The following SEMA6D variants were observed in gnomAD, a reference collection of about 807,000 sequenced individuals.
The protein encoded by SEMA6D is semaphorin 6D.
Under a neutral mutation model 106.6 loss-of-function variants are expected in SEMA6D, and 35 were observed. The observed-to-expected ratio is 0.33, with a 90% CI of 0.25 to 0.44. The LOEUF is 0.44. SEMA6D is among the 20% of genes least tolerant of loss of function. SEMA6D has a pLI of 1.00. For synonymous variants in SEMA6D, 499 were observed against 487.7 expected (o/e 1.02, Z -0.31); for missense variants, 1,185 against 1,345.9 (o/e 0.88, Z 1.87).
At chr15:47,663,001 G>C (rs2077957503) in intron 4 of SEMA6D, among the ~76,000 whole-genome samples, 1 of 152,184 alleles carries the variant, frequency 6.6e-6, no homozygotes, top group Admixed American at 6.5e-5. Context: ...ATGTTGGCAA[G>C]AAGTAGGCTG....
chr15:47,258,713 A>G (rs1015225894), intron 1 of SEMA6D, among the ~76,000 whole-genome samples: 3 of 152,090 alleles, frequency 2.0e-5, no homozygotes, highest in Non-Finnish European at 2.9e-5. Context: ...GCTTGCAGAC[A>G]ACAGATGGTG....
In SEMA6D at chr15:47,566,796, C is replaced by G. The variant is rs182895807; in HGVS notation, c.-86-34069C>G. On this transcript the variant is annotated intron_variant, in intron 3 of 19. Coordinates refer to the SEMA6D transcript ENST00000558014. Reference sequence around the variant, plus strand: ...AGCTAACGGATGGAAAGTGTTGCTTCCAGTGTCTGTCACGTGATAGTGTTT... The same window carrying G: ...AGCTAACGGATGGAAAGTGTTGCTTGCAGTGTCTGTCACGTGATAGTGTTT... Among the ~76,000 whole-genome samples the G allele has an allele frequency of 1.3e-4, 20 of 152,328 alleles. No individual in the cohort carries two copies. In the East Asian group the frequency reaches 3.7e-3, roughly 28 times the overall value.
intron 4 of SEMA6D, among the ~76,000 whole-genome samples, chr15:47,615,646 G>C (rs2076993966): frequency 6.6e-6 from 1 of 152,166 alleles, no homozygotes; most frequent in Admixed American, 6.5e-5. Context: ...GAATTCTAAT[G>C]TATTTGAATA....
intron 4 of SEMA6D, among the ~76,000 whole-genome samples, chr15:47,620,614 T>G (rs2077080514): frequency 6.6e-6 from 1 of 152,036 alleles, no homozygotes; most frequent in South Asian, 2.1e-4. Context: ...ATCCTGTCAG[T>G]GTGTCATGAT....
At chr15:47,332,027 T>G (rs1230545455) in intron 1 of SEMA6D, among the ~76,000 whole-genome samples, 2 of 152,166 alleles carry the variant, frequency 1.3e-5, no homozygotes, top group African/African-American at 4.8e-5. Context: ...CACCTCTCTT[T>G]GTCTCTTTAT....
intron 3 of SEMA6D, among the ~76,000 whole-genome samples, chr15:47,588,535 C>G (rs1293803961): frequency 1.3e-5 from 2 of 152,160 alleles, no homozygotes; most frequent in Non-Finnish European, 2.9e-5. Context: ...TTTGAGTTAG[C>G]ATAAGAACTG....
At chr15:47,264,315 T>TTCA (rs1297318455) in intron 1 of SEMA6D, among the ~76,000 whole-genome samples, 17 of 149,996 alleles carry the variant, frequency 1.1e-4, no homozygotes, top group African/African-American at 4.1e-4. Flanking sequence ...GTAATAAACC[T>TTCA]GGTCATTTAC....
chr15:47,688,012 C>G (rs149918681), intron 4 of SEMA6D, among the ~76,000 whole-genome samples: 198 of 152,176 alleles, frequency 1.3e-3, no homozygotes, highest in African/African-American at 4.6e-3. Context: ...ACATAAGAAC[C>G]TGGAGCTCAC....
rs368045996 is a variant in SEMA6D, at chr15:47,697,106, ACTTC to A, written c.-54-62634_-54-62631del. 3.4e-3 allele frequency among the ~76,000 whole-genome samples: 517 copies of A among 152,266 alleles called. 1 individual carries two copies. Among genetic ancestry groups the A allele is most frequent in the African/African-American group, 0.012 (499 of 41,532 alleles). On this transcript the variant is annotated intron_variant, in intron 4 of 19. Coordinates refer to the SEMA6D transcript ENST00000558014. ...AAAAATGTATTTACTGCTCTTCTCA[ACTTC>A]CTTCTTGGCACCAGATTTTAAAGAA...
intron 1 of SEMA6D, among the ~76,000 whole-genome samples, chr15:47,217,531 G>C (rs1234423150): frequency 6.7e-6 from 1 of 150,218 alleles, no homozygotes; most frequent in Admixed American, 6.9e-5. Flanking sequence ...AGAGTTCTAA[G>C]ATGTATTAAG....
At chr15:47,731,056 GAAAA>G (rs2080089145) in intron 1 of SEMA6D, 1 of 564,672 alleles carries the variant, frequency 1.8e-6, no homozygotes, top group African/African-American at 1.9e-5. Context: ...AGCTACCTGT[GAAAA>G]GAGACAGACA....
At chr15:47,242,734 A>G (rs2032986454) in intron 1 of SEMA6D, among the ~76,000 whole-genome samples, 1 of 152,170 alleles carries the variant, frequency 6.6e-6, no homozygotes, top group Non-Finnish European at 1.5e-5. Flanking sequence ...AAATAATATT[A>G]TTTCCGATTA....
chr15:47,484,804 CA>C (rs2043251174), intron 3 of SEMA6D, among the ~76,000 whole-genome samples: 1 of 152,082 alleles, frequency 6.6e-6, no homozygotes, highest in African/African-American at 2.4e-5. Context: ...AATAAAAATA[CA>C]GCCTAAATTT....
At chr15:47,253,335 T>G (rs2033623968) in intron 1 of SEMA6D, among the ~76,000 whole-genome samples, 1 of 152,186 alleles carries the variant, frequency 6.6e-6, no homozygotes, top group South Asian at 2.1e-4. Context: ...ATTGTTTCCT[T>G]TGCTATGCAG....
rs539831189 is a variant in SEMA6D at position 47,545,913 on chromosome 15, A to G, written c.-86-54952A>G. On this transcript the variant is annotated intron_variant, in intron 3 of 19. Transcript: ENST00000558014. Reference sequence around the variant, plus strand: ...CCCCAGTGTGGCAACAGTCTAGGCTACATGAAAGGCCCTCTCTAGACAGGA... The same window carrying G: ...CCCCAGTGTGGCAACAGTCTAGGCTGCATGAAAGGCCCTCTCTAGACAGGA... Among the ~76,000 whole-genome samples, 11 of 152,220 alleles carry G rather than the reference A, an allele frequency of 7.2e-5. No homozygotes were observed. In the East Asian group the frequency reaches 2.1e-3, roughly 29 times the overall value.
intron 15 of SEMA6D, 27 bp downstream of exon 15, chr15:47,766,209 G>A (rs757649825): frequency 6.9e-6 from 11 of 1,585,320 alleles, no homozygotes; most frequent in Middle Eastern, 1.7e-4. Flanking sequence ...ACATGAGCTA[G>A]GATGAACTAT....
At chr15:47,193,262 G>C (rs752282683) in intron 1 of SEMA6D, among the ~76,000 whole-genome samples, 10 of 152,086 alleles carry the variant, frequency 6.6e-5, no homozygotes, top group Admixed American at 4.6e-4. Flanking sequence ...GTTGTTATGA[G>C]GATCAAATGA....
intron 1 of SEMA6D, among the ~76,000 whole-genome samples, chr15:47,235,398 CTT>C (rs1231263762): frequency 2.0e-5 from 3 of 151,950 alleles, no homozygotes; most frequent in African/African-American, 7.2e-5. Flanking sequence ...GTAATAAACT[CTT>C]TGCCTAGGCC....
intron 3 of SEMA6D, among the ~76,000 whole-genome samples, chr15:47,590,056 A>G (rs2143012963): frequency 6.6e-6 from 1 of 152,304 alleles, no homozygotes; most frequent in South Asian, 2.1e-4. Context: ...TTATTTAGAA[A>G]TAGGGTCTCT....
Sources: allele counts gnomAD v4.1 joint callset (sites outside exome capture counted in the v4.1 genomes callset), GRCh38; gene constraint gnomAD v4.1.1; transcripts MANE v1.5; gene names NCBI Gene and HGNC (gene_info 2026-07-23, HGNC 2026-07-21).